The following CCDC149 variants were observed in gnomAD, a reference collection of about 807,000 sequenced individuals.
The protein encoded by CCDC149 is coiled-coil domain containing 149, also known as coiled-coil domain-containing protein 149.
In CCDC149, 45 loss-of-function variants were observed where a neutral mutation model predicts 59.9. The observed-to-expected ratio is 0.75, with a 90% CI of 0.59 to 0.96. The LOEUF is 0.96. Ranked by LOEUF, CCDC149 falls within the 40% of genes least tolerant of loss-of-function variation. CCDC149 has a pLI of 0.00. For missense variants in CCDC149, 584 were observed against 664.7 expected, an observed-to-expected ratio of 0.88 and a Z score of 1.33; for synonymous variants, 245 against 260.6, an observed-to-expected ratio of 0.94 and a Z score of 0.58.
Position 24,806,436 on chromosome 4 carries a change from C to G in CCDC149, c.*1953G>C, listed in dbSNP as rs1323597176. The G allele has an allele frequency of 6.6e-6, 1 of 152,204 alleles. No individual in the cohort carries two copies. The highest frequency in any genetic ancestry group is 2.4e-5 in the African/African-American group (1 of 41,448). 9.4% of individuals were successfully genotyped at this position (152,204 alleles called of 1,614,324 possible). A position where few individuals can be genotyped will look rare whatever the true frequency, so the allele number is the denominator to read the frequency against. On this transcript the variant is annotated 3_prime_UTR_variant, in exon 13 of 13. Transcript: ENST00000635206. ...CGAGCCCTGCTTTTCAGAAGGTGCT[C>G]AACAGGCCCTGAAGATGTGCATCTG...
At chr4:24,853,976 C>A (rs895671647) in intron 3 of CCDC149, among the ~76,000 whole-genome samples, 1 of 152,162 alleles carries the variant, frequency 6.6e-6, no homozygotes, top group African/African-American at 2.4e-5. Context: ...ATCATCCTTT[C>A]CTTAAGATTT....
chr4:24,848,145 T>C (rs1404586991), intron 4 of CCDC149, among the ~76,000 whole-genome samples: 2 of 152,178 alleles, frequency 1.3e-5, no homozygotes, highest in Non-Finnish European at 2.9e-5. Flanking sequence ...GCTGGAGAGA[T>C]ACAAATCCTT....
intron 1 of CCDC149, among the ~76,000 whole-genome samples, chr4:24,932,539 G>T (rs28514607): frequency 0.41 from 62,594 of 151,492 alleles, 15,152 homozygotes; most frequent in Non-Finnish European, 0.54. Context: ...ATTGAAGTAA[G>T]GAAGTGTGGC....
At chr4:24,877,630 C>A (rs557198558) in intron 1 of CCDC149, among the ~76,000 whole-genome samples, 8 of 152,340 alleles carry the variant, frequency 5.3e-5, no homozygotes, top group African/African-American at 1.9e-4. Flanking sequence ...GGCCCTGATG[C>A]GTTTAACTTT....
At chr4:24,847,118 G>T (rs1269535684) in intron 4 of CCDC149, among the ~76,000 whole-genome samples, 1 of 152,194 alleles carries the variant, frequency 6.6e-6, no homozygotes, top group East Asian at 1.9e-4. Flanking sequence ...TCTGCCACAT[G>T]CCAGGTGTCT....
chr4:24,953,078 C>T (rs1490355478), intron 1 of CCDC149, among the ~76,000 whole-genome samples: 1 of 152,270 alleles, frequency 6.6e-6, no homozygotes, highest in East Asian at 1.9e-4. Flanking sequence ...CTCATTCCCC[C>T]AGTAACAGAA....
At chr4:24,898,761 C>A (rs1577465034) in intron 1 of CCDC149, among the ~76,000 whole-genome samples, 1 of 152,280 alleles carries the variant, frequency 6.6e-6, no homozygotes, top group East Asian at 1.9e-4. Context: ...TGCCCAACCT[C>A]TTGGGGCCCA....
At chr4:24,915,718 T>C (rs1400753555), upstream of CCDC149, among the ~76,000 whole-genome samples, 1 of 152,240 alleles carries the variant, frequency 6.6e-6, no homozygotes, top group Non-Finnish European at 1.5e-5. Context: ...TGGGTTTTCC[T>C]TAGAGGTTTC....
intron 1 of CCDC149, among the ~76,000 whole-genome samples, chr4:24,975,435 G>C (rs183513442): frequency 9.1e-6 from 1 of 110,150 alleles, no homozygotes; most frequent in Admixed American, 9.2e-5. Flanking sequence ...GAGAAGGAAG[G>C]GGGAGGAGGG....
chr4:24,905,397 T>C (rs964699410), intron 1 of CCDC149, among the ~76,000 whole-genome samples: 21 of 148,936 alleles, frequency 1.4e-4, no homozygotes, highest in African/African-American at 2.9e-4. Flanking sequence ...ATAGTCTTCT[T>C]TCTTTTTGCG....
At chr4:24,871,284 A>G (rs1719029853) in intron 3 of CCDC149, among the ~76,000 whole-genome samples, 1 of 152,188 alleles carries the variant, frequency 6.6e-6, no homozygotes, top group African/African-American at 2.4e-5. Context: ...CAGCATAAAA[A>G]AGTCTCAAGG....
At chr4:24,950,203 A>G (rs1723244421) in intron 1 of CCDC149, among the ~76,000 whole-genome samples, 1 of 152,220 alleles carries the variant, frequency 6.6e-6, no homozygotes, top group African/African-American at 2.4e-5. Flanking sequence ...GAGAATGCAA[A>G]GGCTGTGAGC....
At chr4:24,908,477 T>C (rs912584660) in intron 1 of CCDC149, among the ~76,000 whole-genome samples, 12 of 150,978 alleles carry the variant, frequency 7.9e-5, no homozygotes, top group African/African-American at 2.7e-4. Flanking sequence ...GCAGGATTCC[T>C]TGAAGCCAGG....
chr4:24,821,509 C>T (rs1047051473), intron 10 of CCDC149, among the ~76,000 whole-genome samples: 1 of 152,198 alleles, frequency 6.6e-6, no homozygotes, highest in African/African-American at 2.4e-5. Flanking sequence ...GGAATCACTG[C>T]TAAAAATTCC....
At chr4:24,952,003 T>C (rs1723305253) in intron 1 of CCDC149, among the ~76,000 whole-genome samples, 1 of 152,192 alleles carries the variant, frequency 6.6e-6, no homozygotes, top group East Asian at 1.9e-4. Context: ...GAGAGTCCTC[T>C]TTTTGTTGGG....
intron 1 of CCDC149, among the ~76,000 whole-genome samples, chr4:24,920,131 C>A (rs528738585): frequency 1.3e-5 from 2 of 152,214 alleles, no homozygotes; most frequent in African/African-American, 4.8e-5. Flanking sequence ...TATTGCTATA[C>A]AACAAGCTAC....
intron 1 of CCDC149, among the ~76,000 whole-genome samples, chr4:24,946,862 C>T (rs1723122692): frequency 6.6e-6 from 1 of 152,162 alleles, no homozygotes; most frequent in Admixed American, 6.5e-5. Flanking sequence ...GTTTTTAATA[C>T]ACAATTACTT....
chr4:24,816,766 T>C (rs1217043213), intron 12 of CCDC149, among the ~76,000 whole-genome samples: 2 of 152,070 alleles, frequency 1.3e-5, no homozygotes, highest in East Asian at 1.9e-4. Context: ...ATGACACAAA[T>C]AGTGTGGAAA....
At chr4:24,804,605 G>A (rs1235832763), downstream of CCDC149, among the ~76,000 whole-genome samples, 1 of 152,084 alleles carries the variant, frequency 6.6e-6, no homozygotes, top group Non-Finnish European at 1.5e-5. Context: ...AGGGGCAAAG[G>A]CATGCTGTAA....
Sources: gnomAD v4.1 joint callset for allele counts (sites outside exome capture counted in the v4.1 genomes callset) on GRCh38, gnomAD v4.1.1 for gene constraint, MANE v1.5 for transcripts, NCBI Gene and HGNC (gene_info 2026-07-23, HGNC 2026-07-21) for gene names.